CYREN: variants seen among roughly 807,000 people sequenced by gnomAD.
CYREN encodes cell cycle regulator of non-homologous end joining.
In CYREN, 7 loss-of-function variants were observed where a neutral mutation model predicts 9.7. That is an observed-to-expected ratio of 0.72 (90% CI 0.41 to 1.36). The LOEUF (loss-of-function observed/expected upper bound fraction) is 1.36, where lower values mean the gene tolerates loss of function less well. Among genes scored for constraint, CYREN ranks in the 40% most tolerant of loss-of-function variants. The probability of loss-of-function intolerance (pLI) is 0.01; values close to 1 mark genes in which losing one functional copy is unlikely to be tolerated. For missense variants in CYREN, 215 were observed against 198.1 expected, an observed-to-expected ratio of 1.09 and a Z score of -0.51; for synonymous variants, 76 against 77.9, an observed-to-expected ratio of 0.98 and a Z score of 0.13.
At chr7:135,169,137 G>A (rs1170167122) in intron 1 of CYREN, 77 bp from the exon 2 acceptor site, 2 of 459,548 alleles carry the variant, frequency 4.4e-6, no homozygotes, top group Non-Finnish European at 7.7e-6. Flanking sequence ...TGCAGGGCAG[G>A]CCAGAAGTGA....
intron 2 of CYREN, among the ~76,000 whole-genome samples, chr7:135,117,512 T>C (rs1327630339): frequency 6.6e-6 from 1 of 152,220 alleles, no homozygotes; most frequent in East Asian, 1.9e-4. Flanking sequence ...ATCTTCTCAT[T>C]CTTTGCTTAT....
chr7:135,164,129 CA>C (rs1830019031), downstream of CYREN, among the ~76,000 whole-genome samples: 1 of 152,242 alleles, frequency 6.6e-6, no homozygotes, highest in East Asian at 1.9e-4. Flanking sequence ...TGGACTGGAG[CA>C]AAGCCTTTGG....
At chr7:135,113,270 T>C (rs1406513174) in intron 2 of CYREN, among the ~76,000 whole-genome samples, 1 of 152,216 alleles carries the variant, frequency 6.6e-6, no homozygotes, top group Non-Finnish European at 1.5e-5. Context: ...CAAAAAAACT[T>C]ATTGTAGAAA....
At chr7:135,101,820 C>T (rs750509294) in intron 2 of CYREN, among the ~76,000 whole-genome samples, 3 of 152,176 alleles carry the variant, frequency 2.0e-5, no homozygotes, top group Non-Finnish European at 4.4e-5. Context: ...ATCTCATCTT[C>T]AATTATAGCT....
chr7:135,119,129 G>C (rs12534612), intron 2 of CYREN, among the ~76,000 whole-genome samples: 66,657 of 151,872 alleles, frequency 0.44, 15,327 homozygotes, highest in East Asian at 0.78. Context: ...TGGCTGAAAG[G>C]TTCCCAAATT....
chr7:135,127,885 T>C (rs1257904849), intron 2 of CYREN, among the ~76,000 whole-genome samples: 2 of 152,194 alleles, frequency 1.3e-5, no homozygotes, highest in Admixed American at 6.5e-5. Context: ...CATATGTTTA[T>C]TGCAGCACTG....
At chr7:135,161,677 TC>T (rs1460918908), downstream of CYREN, among the ~76,000 whole-genome samples, 1 of 152,196 alleles carries the variant, frequency 6.6e-6, no homozygotes, top group Non-Finnish European at 1.5e-5. This position sits in a 1 kb window ranked among gnomAD's most constrained non-coding sequence, Gnocchi z 4.1. Flanking sequence ...CCTTTTCAAT[TC>T]CCAATAATTC....
chr7:135,096,152 A>T (rs891627223), intron 2 of CYREN, among the ~76,000 whole-genome samples: 1 of 39,658 alleles, frequency 2.5e-5, no homozygotes, highest in African/African-American at 7.5e-5. Flanking sequence ...ACTCTCTCTC[A>T]AAAAAAAAAA....
intron 2 of CYREN, among the ~76,000 whole-genome samples, chr7:135,156,151 C>G (rs942541914): frequency 6.6e-6 from 1 of 152,100 alleles, no homozygotes; most frequent in Non-Finnish European, 1.5e-5. Flanking sequence ...TTATAGGTGA[C>G]TAGTCACTTT....
intron 2 of CYREN, among the ~76,000 whole-genome samples, chr7:135,108,142 C>T (rs1422717475): frequency 2.0e-5 from 3 of 151,976 alleles, no homozygotes; most frequent in Non-Finnish European, 4.4e-5. Context: ...GATAGCATAC[C>T]ATTAGATTTT....
chr7:135,154,121 C>T (rs1373694504), intron 2 of CYREN, among the ~76,000 whole-genome samples: 1 of 152,100 alleles, frequency 6.6e-6, no homozygotes, highest in Non-Finnish European at 1.5e-5. Context: ...TGTGAGCATG[C>T]AGTTGTTCAT....
intron 2 of CYREN, among the ~76,000 whole-genome samples, chr7:135,099,428 T>TTAAA (rs1209947156): frequency 1.3e-5 from 2 of 152,234 alleles, no homozygotes; most frequent in African/African-American, 4.8e-5. Context: ...AAACTAGCCA[T>TTAAA]TAAATATATG....
chr7:135,106,798 G>A (rs145829389), intron 2 of CYREN, among the ~76,000 whole-genome samples: 11 of 152,184 alleles, frequency 7.2e-5, no homozygotes, highest in Admixed American at 2.0e-4. Flanking sequence ...GTACCAGCTC[G>A]TCTTTGTACA....
intron 2 of CYREN, among the ~76,000 whole-genome samples, chr7:135,133,435 G>A (rs542143061): frequency 2.2e-4 from 33 of 152,246 alleles, no homozygotes; most frequent in Admixed American, 3.9e-4. Flanking sequence ...GATTATTCCA[G>A]AATTTATCTG....
intron 2 of CYREN, among the ~76,000 whole-genome samples, chr7:135,160,336 G>A (rs1329824452): frequency 6.6e-6 from 1 of 152,186 alleles, no homozygotes; most frequent in Admixed American, 6.5e-5. Context: ...CCCTCTGAAG[G>A]AAACACTGGC....
upstream of CYREN, among the ~76,000 whole-genome samples, chr7:135,172,084 G>T (rs888700888): frequency 2.0e-5 from 3 of 150,674 alleles, no homozygotes; most frequent in Non-Finnish European, 3.0e-5. Flanking sequence ...GCTTGACTTG[G>T]TAAGACTAGT....
intron 2 of CYREN, among the ~76,000 whole-genome samples, chr7:135,138,893 C>T (rs920686227): frequency 6.6e-6 from 1 of 151,976 alleles, no homozygotes; most frequent in Admixed American, 6.6e-5. Context: ...TGACCTCCAG[C>T]TTCACCCATG....
At chr7:135,148,589 G>A (rs1016510010) in intron 2 of CYREN, among the ~76,000 whole-genome samples, 29 of 152,202 alleles carry the variant, frequency 1.9e-4, no homozygotes, top group African/African-American at 6.3e-4. Flanking sequence ...TGCACGCAGT[G>A]TGTACAAGGA....
chr7:135,166,794 G>C lies in CYREN; in HGVS notation c.291C>G (p.Ser97=), dbSNP rs199672225. 1.9e-6 allele frequency: 3 copies of C among 1,614,098 alleles called. No individual in the cohort carries two copies. The African/African-American group carries it at 4.0e-5, about 22-fold the overall frequency. ...TCCCAGAACTTGTGTGAGGCGACACGGAGCAGGGAGGGGAGTGCTCTGGGT... is the reference window on the plus strand; with the variant it reads ...TCCCAGAACTTGTGTGAGGCGACACCGAGCAGGGAGGGGAGTGCTCTGGGT... ...ADNPEHSPPC[S]VSPHTSSGSS... The change falls in exon 4 of 4, where the codon TCC becomes TCG. Residue 97 remains serine (S), a synonymous_variant. Coordinates refer to ENST00000393114, the MANE Select transcript of CYREN (RefSeq NM_024033.4).
Sources: gnomAD v4.1 joint callset for allele counts (sites outside exome capture counted in the v4.1 genomes callset) on GRCh38, gnomAD v4.1.1 for gene constraint, Gnocchi (gnomAD v3.1) non-coding constraint, MANE v1.5 for transcripts, NCBI Gene and HGNC (gene_info 2026-07-23, HGNC 2026-07-21) for gene names.